BLACAT1: variants seen among roughly 807,000 people sequenced by gnomAD.
BLACAT1 encodes the protein BLACAT1 overlapping LEMD1 locus.
intron 1 of BLACAT1, among the ~76,000 whole-genome samples, chr1:205,451,535 G>A (rs552131824): frequency 8.5e-5 from 13 of 152,068 alleles, no homozygotes; most frequent in East Asian, 1.9e-4. Context: ...GGGCCCTGCC[G>A]CCTGTGGCAG....
chr1:205,446,989 G>T (rs916163927), intron 1 of BLACAT1, among the ~76,000 whole-genome samples: 3 of 152,240 alleles, frequency 2.0e-5, no homozygotes, highest in Non-Finnish European at 4.4e-5. Flanking sequence ...AGGGTGATTG[G>T]AGTTGGGCCA....
chr1:205,441,355 C>T lies in BLACAT1; in HGVS notation c.-36-293G>A, dbSNP rs2102465323. 6.6e-6 allele frequency among the ~76,000 whole-genome samples: 1 copy of T among 152,234 alleles called. No individual in the cohort carries two copies. Among genetic ancestry groups the T allele is most frequent in the South Asian group, 2.1e-4 (1 of 4,826 alleles). On this transcript the variant is annotated intron_variant, in intron 1 of 1. Coordinates refer to ENST00000629624, the Ensembl canonical transcript of BLACAT1. The surrounding 1 kb of genome is among the most constrained non-coding windows in gnomAD (Gnocchi z 4.3). ...CCCAGCTGCTGCCTCCTTTTTTCCC[C>T]TCCCACCCGCTCTGCCCCACCTCAT...
chr1:205,446,168 T>C (rs1202045577), intron 1 of BLACAT1, among the ~76,000 whole-genome samples: 2 of 152,222 alleles, frequency 1.3e-5, no homozygotes, highest in Non-Finnish European at 2.9e-5. Context: ...TTCAATGCAA[T>C]TGAACAATCA....
chr1:205,449,514 A>G (rs918052750), intron 1 of BLACAT1, among the ~76,000 whole-genome samples: 7 of 152,112 alleles, frequency 4.6e-5, no homozygotes, highest in Non-Finnish European at 8.8e-5. Context: ...GGCTCCCTGC[A>G]CAACCCTGGT....
At chr1:205,438,671 A>G (rs186011724), downstream of BLACAT1, among the ~76,000 whole-genome samples, 5 of 152,042 alleles carry the variant, frequency 3.3e-5, no homozygotes, top group African/African-American at 9.7e-5. Flanking sequence ...GCTGGCCCCA[A>G]CCTCAGCCCT....
chr1:205,448,431 G>C lies in BLACAT1; in HGVS notation c.-36-7369C>G, dbSNP rs1206066894. 1 of 532,334 alleles carries C rather than the reference G, an allele frequency of 1.9e-6. No homozygotes were observed. The highest frequency in any genetic ancestry group is 5.5e-5 in the East Asian group (1 of 18,346). 33.0% of individuals were successfully genotyped at this position (532,334 alleles called of 1,614,324 possible). ...CCAGCGGCAGGAATCTCATAGGGAAGCGAGAAGCTGGGGCACCCGAGAAGC... is the reference window on the plus strand; with the variant it reads ...CCAGCGGCAGGAATCTCATAGGGAACCGAGAAGCTGGGGCACCCGAGAAGC... On this transcript the variant is annotated intron_variant, in intron 1 of 1. Transcript: ENST00000629624. The surrounding 1 kb of genome is among the most constrained non-coding windows in gnomAD (Gnocchi z 4.7).
chr1:205,442,717 C>G (rs1283583140), intron 1 of BLACAT1, among the ~76,000 whole-genome samples: 1 of 152,214 alleles, frequency 6.6e-6, no homozygotes, highest in African/African-American at 2.4e-5. Flanking sequence ...TACACACCCA[C>G]TCTGGTGGAG....
chr1:205,443,906 C>A (rs1485272082), intron 1 of BLACAT1, among the ~76,000 whole-genome samples: 1 of 152,164 alleles, frequency 6.6e-6, no homozygotes, highest in Non-Finnish European at 1.5e-5. Flanking sequence ...AGTCCCTCTG[C>A]CAGGCTGTGG....
chr1:205,453,466 A>C (rs922207340), intron 1 of BLACAT1, among the ~76,000 whole-genome samples: 1 of 152,178 alleles, frequency 6.6e-6, no homozygotes, highest in Non-Finnish European at 1.5e-5. Context: ...GCACTGCTCC[A>C]CTGAGCAGGA....
chr1:205,440,442 A>G (rs995694694), exon 2 of BLACAT1, among the ~76,000 whole-genome samples: 1 of 152,136 alleles, frequency 6.6e-6, no homozygotes, highest in Non-Finnish European at 1.5e-5. Flanking sequence ...GAATCCCAGG[A>G]GAGTCTCACA....
intron 1 of BLACAT1, among the ~76,000 whole-genome samples, chr1:205,453,341 G>A (rs1666520566): frequency 6.6e-6 from 1 of 152,136 alleles, no homozygotes; most frequent in Admixed American, 6.5e-5. Context: ...CTTTCCCCAT[G>A]ACTCCGGTCC....
intron 1 of BLACAT1, among the ~76,000 whole-genome samples, chr1:205,449,472 A>G (rs1472921882): frequency 6.6e-6 from 1 of 151,770 alleles, no homozygotes; most frequent in Non-Finnish European, 1.5e-5. Context: ...TCCCACCCCA[A>G]CTGTACCCTC....
downstream of BLACAT1, among the ~76,000 whole-genome samples, chr1:205,438,518 G>C (rs1666243507): frequency 6.6e-6 from 1 of 152,220 alleles, no homozygotes; most frequent in African/African-American, 2.4e-5. Context: ...GGAGGGCACA[G>C]GTGTCCAGAC....
chr1:205,450,277 TACTC>T lies in BLACAT1; in HGVS notation c.-37+5636_-37+5639del, dbSNP rs1666476906. 6.6e-6 allele frequency among the ~76,000 whole-genome samples: 1 copy of T among 151,918 alleles called. No individual in the cohort carries two copies. Among genetic ancestry groups the T allele is most frequent in the Non-Finnish European group, 1.5e-5 (1 of 67,954 alleles). On this transcript the variant is annotated intron_variant, in intron 1 of 1. Coordinates refer to ENST00000629624, the Ensembl canonical transcript of BLACAT1. This position sits in a 1 kb window ranked among gnomAD's most constrained non-coding sequence, Gnocchi z 4.4. ...CACTCCCTCTGAACCAGCCATGTAT[TACTC>T]ACGTCCCCCTGCCGGGCTATTGGTG...
intron 1 of BLACAT1, among the ~76,000 whole-genome samples, chr1:205,443,155 T>C (rs1465856367): frequency 2.6e-5 from 4 of 152,118 alleles, no homozygotes; most frequent in African/African-American, 9.7e-5. Context: ...CCCATGATTA[T>C]TGAAAAATAC....
chr1:205,439,921 G>A (rs1666265476), exon 2 of BLACAT1, among the ~76,000 whole-genome samples: 1 of 152,034 alleles, frequency 6.6e-6, no homozygotes, highest in African/African-American at 2.4e-5. Context: ...CCTGGAAATG[G>A]GCTGGGGGTA....
rs748953920 is a variant in BLACAT1 at position 205,441,204 on chromosome 1, C to A, written c.-36-142G>T. On this transcript the variant is annotated intron_variant, in intron 1 of 1. Coordinates refer to ENST00000629624, the Ensembl canonical transcript of BLACAT1. The surrounding 1 kb of genome is among the most constrained non-coding windows in gnomAD (Gnocchi z 4.3). ...AGGCGGCCCGCTAGGTCTCTCACAC[C>A]GGCTGGGGGAGGAGTCAAGCCTCTA... is the stretch of plus-strand genomic sequence containing the variant. 1 of 152,230 alleles carries A rather than the reference C, an allele frequency of 6.6e-6. No homozygotes were observed. Among genetic ancestry groups the A allele is most frequent in the Admixed American group, 6.5e-5 (1 of 15,270 alleles). 9.4% of individuals were successfully genotyped at this position (152,230 alleles called of 1,614,324 possible).
At chr1:205,443,169 G>C (rs1299506079) in intron 1 of BLACAT1, among the ~76,000 whole-genome samples, 1 of 152,048 alleles carries the variant, frequency 6.6e-6, no homozygotes, top group Non-Finnish European at 1.5e-5. Context: ...AAAATACATG[G>C]GGAGAAATTG....
intron 1 of BLACAT1, among the ~76,000 whole-genome samples, chr1:205,447,522 C>G (rs1193701083): frequency 6.6e-6 from 1 of 152,066 alleles, no homozygotes; most frequent in Non-Finnish European, 1.5e-5. Flanking sequence ...TCCACCACAG[C>G]CACCTGTTGG....
Sources: allele counts gnomAD v4.1 joint callset (sites outside exome capture counted in the v4.1 genomes callset), GRCh38; gene constraint gnomAD v4.1.1; non-coding constraint Gnocchi (gnomAD v3.1); transcripts MANE v1.5; gene names NCBI Gene and HGNC (gene_info 2026-07-23, HGNC 2026-07-21).